The following OPCML variants were observed in gnomAD, a reference collection of about 807,000 sequenced individuals.
OPCML encodes opioid binding protein/cell adhesion molecule like.
OPCML carries 13 observed loss-of-function variants against 37.8 expected under a neutral mutation model. The ratio of observed to expected loss-of-function variants is 0.34; its 90% CI spans 0.22 to 0.55. The LOEUF (loss-of-function observed/expected upper bound fraction) is 0.55, where lower values mean the gene tolerates loss of function less well. Among genes scored for constraint, OPCML ranks in the 20% least tolerant of loss-of-function variants. The pLI is 0.91. For synonymous variants in OPCML, 176 were observed against 168.8 expected, an observed-to-expected ratio of 1.04 and a Z score of -0.33; for missense variants, 341 against 435.6, an observed-to-expected ratio of 0.78 and a Z score of 1.93.
intron 3 of OPCML, among the ~76,000 whole-genome samples, chr11:132,614,729 T>G (rs551749652): frequency 3.3e-4 from 51 of 152,318 alleles, no homozygotes; most frequent in African/African-American, 1.2e-3. Flanking sequence ...AGAATGGCAT[T>G]GATGATGGGA....
intron 3 of OPCML, among the ~76,000 whole-genome samples, chr11:132,553,781 G>A (rs142310243): frequency 9.2e-5 from 14 of 152,260 alleles, no homozygotes; most frequent in African/African-American, 2.6e-4. Context: ...ATTCCTGTAC[G>A]TTTTCCCCGG....
chr11:133,305,182 T>TTATCTC (rs1393000977), intron 1 of OPCML, among the ~76,000 whole-genome samples: 2 of 152,196 alleles, frequency 1.3e-5, no homozygotes, highest in East Asian at 1.9e-4. Flanking sequence ...TTGTGAGTAT[T>TTATCTC]ACATAAGATA....
At chr11:132,851,165 C>G (rs1360951115) in intron 2 of OPCML, among the ~76,000 whole-genome samples, 1 of 152,192 alleles carries the variant, frequency 6.6e-6, no homozygotes, top group Non-Finnish European at 1.5e-5. Context: ...ATTTTTATAT[C>G]CTATTATACA....
At chr11:132,896,248 G>T (rs1943837058) in intron 2 of OPCML, among the ~76,000 whole-genome samples, 1 of 152,160 alleles carries the variant, frequency 6.6e-6, no homozygotes, top group Admixed American at 6.5e-5. Flanking sequence ...ACCCTACTCG[G>T]ACACACCAGG....
At chr11:133,332,360 T>C (rs1208266465) in intron 1 of OPCML, among the ~76,000 whole-genome samples, 1 of 152,194 alleles carries the variant, frequency 6.6e-6, no homozygotes, top group East Asian at 1.9e-4. Flanking sequence ...TAGAGAATGA[T>C]GTCATCTGGA....
At position 133,208,322 on chromosome 11, in the gene OPCML, C is replaced by T. The variant is rs114446416; in HGVS notation, c.62-265312G>A. 9.5e-3 allele frequency among the ~76,000 whole-genome samples: 1,448 copies of T among 152,236 alleles called. 26 individuals are homozygous for T. Among genetic ancestry groups the T allele is most frequent in the African/African-American group, 0.033 (1,368 of 41,534 alleles). ...AATGCGGGACAGAAGCCTACACTAC[C>T]GTGTGTTCTACTACATTCAGTATCA... On this transcript the variant is annotated intron_variant, in intron 1 of 7. Transcript: ENST00000524381. This position sits in a 1 kb window ranked among gnomAD's most constrained non-coding sequence, Gnocchi z 8.9.
At chr11:132,806,275 T>C (rs1939001636) in intron 2 of OPCML, among the ~76,000 whole-genome samples, 1 of 151,992 alleles carries the variant, frequency 6.6e-6, no homozygotes, top group East Asian at 1.9e-4. Context: ...AATAATTACA[T>C]GAAATGTGAA....
chr11:133,006,136 AT>A, intron 1 of OPCML: 1 of 984,320 alleles, frequency 1.0e-6, no homozygotes, highest in Non-Finnish European at 1.2e-6. Context: ...GTGGGAGGAG[AT>A]CCCTGGAGAA....
chr11:133,200,061 T>C (rs576540644), intron 1 of OPCML, among the ~76,000 whole-genome samples: 1 of 152,290 alleles, frequency 6.6e-6, no homozygotes, highest in South Asian at 2.1e-4. Context: ...TAGTTCTGCA[T>C]TGCTCAAATG....
At chr11:132,662,259 G>A (rs1942006804) in intron 2 of OPCML, among the ~76,000 whole-genome samples, 1 of 152,106 alleles carries the variant, frequency 6.6e-6, no homozygotes, top group Non-Finnish European at 1.5e-5. Context: ...GCGGCTCTGG[G>A]GACTCCTCCT....
chr11:132,604,261 C>T (rs1035232561), intron 3 of OPCML, among the ~76,000 whole-genome samples: 1 of 147,202 alleles, frequency 6.8e-6, no homozygotes, highest in African/African-American at 2.6e-5. Context: ...TTATCCCTTG[C>T]TTCTTTGTGT....
intron 1 of OPCML, chr11:133,005,526 C>T (rs1043421654): frequency 2.2e-5 from 22 of 985,200 alleles, no homozygotes; most frequent in African/African-American, 7.0e-5. Context: ...AGCTTATCTC[C>T]TCTGCATTTC....
chr11:132,844,437 TG>T (rs1262362020), intron 2 of OPCML, among the ~76,000 whole-genome samples: 4 of 151,962 alleles, frequency 2.6e-5, no homozygotes, highest in African/African-American at 7.3e-5. Context: ...GGGTGCATGG[TG>T]GGGGGAGGTA....
chr11:132,902,389 A>G (rs547742497), intron 2 of OPCML, among the ~76,000 whole-genome samples: 1 of 152,302 alleles, frequency 6.6e-6, no homozygotes, highest in Admixed American at 6.5e-5. Context: ...ACCCTGTGTG[A>G]CGTGCTCAGC....
At chr11:133,525,935 C>T (rs899506807) in intron 1 of OPCML, among the ~76,000 whole-genome samples, 2 of 152,202 alleles carry the variant, frequency 1.3e-5, no homozygotes, top group African/African-American at 2.4e-5. Context: ...CGCTCATTAA[C>T]GAGAATGCGC....
intron 1 of OPCML, among the ~76,000 whole-genome samples, chr11:133,058,481 G>A (rs940853285): frequency 1.3e-5 from 2 of 152,180 alleles, no homozygotes; most frequent in Admixed American, 6.5e-5. Flanking sequence ...GGGCGGGCAG[G>A]TGTCACATCG....
At chr11:132,892,798 G>T (rs1382161062) in intron 2 of OPCML, among the ~76,000 whole-genome samples, 3 of 152,154 alleles carry the variant, frequency 2.0e-5, no homozygotes, top group African/African-American at 7.2e-5. Context: ...AATAATATGT[G>T]TGACTGTTGT....
intron 1 of OPCML, among the ~76,000 whole-genome samples, chr11:133,434,941 T>A (rs1946203439): frequency 6.6e-6 from 1 of 150,966 alleles, no homozygotes; most frequent in Admixed American, 6.6e-5. Flanking sequence ...AGTGCAGACA[T>A]GAAAGGTCCA....
chr11:133,215,504 A>G (rs1030989381), intron 1 of OPCML, among the ~76,000 whole-genome samples: 2 of 152,154 alleles, frequency 1.3e-5, no homozygotes, highest in African/African-American at 4.8e-5. Context: ...CCCAGTACTC[A>G]GTGTATTCCA....
Sources: allele counts gnomAD v4.1 joint callset (sites outside exome capture counted in the v4.1 genomes callset), GRCh38; gene constraint gnomAD v4.1.1; non-coding constraint Gnocchi (gnomAD v3.1); transcripts MANE v1.5; gene names NCBI Gene and HGNC (gene_info 2026-07-23, HGNC 2026-07-21).